The following TMEM178B variants were observed in gnomAD, a reference collection of about 807,000 sequenced individuals.
The protein encoded by TMEM178B is transmembrane protein 178B.
In TMEM178B, 5 loss-of-function variants were observed where a neutral mutation model predicts 31.0. That is an observed-to-expected ratio of 0.16 (90% CI 0.08 to 0.34). The LOEUF is 0.34. Among genes scored for constraint, TMEM178B ranks in the 10% least tolerant of loss-of-function variants. The pLI is 1.00. For synonymous variants in TMEM178B, 164 were observed against 164.0 expected (o/e 1.00, Z 0.00); for missense variants, 275 against 400.3 (o/e 0.69, Z 2.67).
intron 2 of TMEM178B, among the ~76,000 whole-genome samples, chr7:141,389,784 T>C (rs1800500975): frequency 6.6e-6 from 1 of 152,180 alleles, no homozygotes; most frequent in African/African-American, 2.4e-5. Context: ...CAAGAAATCT[T>C]TGAGTCTGAA....
intron 2 of TMEM178B, among the ~76,000 whole-genome samples, chr7:141,219,634 G>C (rs542553735): frequency 6.6e-6 from 1 of 152,102 alleles, no homozygotes; most frequent in African/African-American, 2.4e-5. Flanking sequence ...CCCCAACCCG[G>C]CCCCTGCAGA....
intron 2 of TMEM178B, among the ~76,000 whole-genome samples, chr7:141,336,353 C>T (rs1799387449): frequency 6.6e-6 from 1 of 152,146 alleles, no homozygotes; most frequent in African/African-American, 2.4e-5. Flanking sequence ...CCGCCTCTTT[C>T]ACTGTAGGAC....
At chr7:141,080,633 A>G (rs1398834487) in intron 1 of TMEM178B, among the ~76,000 whole-genome samples, 1 of 152,230 alleles carries the variant, frequency 6.6e-6, no homozygotes, top group Non-Finnish European at 1.5e-5. Flanking sequence ...AAAAATAGTC[A>G]TAGAGTAAAA....
chr7:141,149,046 T>C (rs143751929), intron 1 of TMEM178B, among the ~76,000 whole-genome samples: 6 of 152,124 alleles, frequency 3.9e-5, no homozygotes, highest in Admixed American at 1.3e-4. Context: ...GCTGTGAGGA[T>C]CATGGCTTTG....
At chr7:141,447,164 G>C (rs1181161651) in intron 3 of TMEM178B, among the ~76,000 whole-genome samples, 1 of 152,214 alleles carries the variant, frequency 6.6e-6, no homozygotes, top group East Asian at 1.9e-4. Flanking sequence ...CAGACCAAAA[G>C]CAAGTGCCAT....
chr7:141,412,174 A>C (rs934930969), intron 2 of TMEM178B, among the ~76,000 whole-genome samples: 1 of 152,220 alleles, frequency 6.6e-6, no homozygotes, highest in African/African-American at 2.4e-5. Context: ...TCTCTGAAGC[A>C]TAAGGTCATT....
chr7:141,179,728 G>A (rs1000146942), intron 1 of TMEM178B, among the ~76,000 whole-genome samples: 3 of 152,178 alleles, frequency 2.0e-5, no homozygotes, highest in Non-Finnish European at 4.4e-5. Flanking sequence ...GCCAGTGTCA[G>A]AGCAGGCCAT....
intron 2 of TMEM178B, among the ~76,000 whole-genome samples, chr7:141,336,945 TCACCACCACCACCATCACTAC>T (rs1799410254): frequency 2.3e-5 from 1 of 43,630 alleles, no homozygotes; most frequent in African/African-American, 9.7e-5. Flanking sequence ...ACCACCACCA[TCACCACCACCACCATCACTAC>T]CACCACCACC....
rs1256295244 is a variant in TMEM178B, at chr7:141,479,392, T to TAG, written c.*8607_*8608dup. 1.3e-5 allele frequency: 2 copies of TAG among 152,132 alleles called. No homozygotes were observed. Among genetic ancestry groups the TAG allele is most frequent in the Non-Finnish European group, 2.9e-5 (2 of 67,964 alleles). The allele number at this position is 152,132 out of a possible 1,614,324, so 9.4% of individuals were successfully genotyped here. ...GTGGCCACAGGCAGACTGGGTCTCC[T>TAG]AGGAGGTGGTGGTGTTGGTGACAAG... On this transcript the variant is annotated 3_prime_UTR_variant, in exon 4 of 4. Coordinates refer to ENST00000565468, the MANE Select transcript of TMEM178B (RefSeq NM_001195278.2).
intron 2 of TMEM178B, among the ~76,000 whole-genome samples, chr7:141,378,181 A>C (rs1800252837): frequency 6.6e-6 from 1 of 152,064 alleles, no homozygotes; most frequent in African/African-American, 2.4e-5. Context: ...TGTTTTTCTC[A>C]TAGTTAGACC....
At position 141,422,939 on chromosome 7, in the gene TMEM178B, T is replaced by A. The variant is rs1801240775; in HGVS notation, c.497-14669T>A. ...GGTCTCACGCCTCTCTTTAGAACAG[T>A]GCTGTCCCATGGAAATATCGTGCAA... On this transcript the variant is annotated intron_variant, in intron 2 of 3. Transcript: ENST00000565468. This position sits in a 1 kb window ranked among gnomAD's most constrained non-coding sequence, Gnocchi z 4.2. Among the ~76,000 whole-genome samples, 1 of 152,218 alleles carries A rather than the reference T, an allele frequency of 6.6e-6. No homozygotes were observed. The highest frequency in any genetic ancestry group is 2.4e-5 in the African/African-American group (1 of 41,460).
chr7:141,423,724 G>A (rs1221988572), intron 2 of TMEM178B, among the ~76,000 whole-genome samples: 1 of 151,680 alleles, frequency 6.6e-6, no homozygotes, highest in Non-Finnish European at 1.5e-5. Context: ...CTGTTCAAAC[G>A]AATTGCCATG....
At chr7:141,363,558 A>C (rs1284537071) in intron 2 of TMEM178B, among the ~76,000 whole-genome samples, 2 of 152,190 alleles carry the variant, frequency 1.3e-5, no homozygotes, top group African/African-American at 4.8e-5. Context: ...TCTGATTCTA[A>C]CTGCAGTGCT....
Position 141,193,615 on chromosome 7 carries a change from G to A in TMEM178B, c.383-18976G>A, listed in dbSNP as rs550629875. Among the ~76,000 whole-genome samples the A allele has an allele frequency of 3.3e-5, 5 of 152,330 alleles. No individual in the cohort carries two copies. The South Asian group carries it at 1.0e-3, about 32-fold the overall frequency. On this transcript the variant is annotated intron_variant, in intron 1 of 3. Transcript: ENST00000565468. Reference sequence around the variant, plus strand: ...CACAGTGTGCAGGGAGGCCTAGGCCGAGCCCATTCCTGCAAGGAGCAGTCA... The same window carrying A: ...CACAGTGTGCAGGGAGGCCTAGGCCAAGCCCATTCCTGCAAGGAGCAGTCA...
At chr7:141,284,723 G>A (rs1245597697) in intron 2 of TMEM178B, among the ~76,000 whole-genome samples, 1 of 152,156 alleles carries the variant, frequency 6.6e-6, no homozygotes, top group African/African-American at 2.4e-5. Flanking sequence ...TTTGTTACAC[G>A]AGTGAATGAC....
At chr7:141,176,793 C>T (rs1208418704) in intron 1 of TMEM178B, among the ~76,000 whole-genome samples, 2 of 152,096 alleles carry the variant, frequency 1.3e-5, no homozygotes, top group African/African-American at 2.4e-5. Context: ...TCTGTGGGAT[C>T]GGTGGTGATA....
intron 2 of TMEM178B, among the ~76,000 whole-genome samples, chr7:141,317,595 A>C (rs1400046291): frequency 1.3e-5 from 2 of 152,230 alleles, no homozygotes; most frequent in East Asian, 1.9e-4. Context: ...TCCTGGGGCC[A>C]AAATGCTGAG....
chr7:141,353,934 G>A (rs1799776975), intron 2 of TMEM178B, among the ~76,000 whole-genome samples: 1 of 152,186 alleles, frequency 6.6e-6, no homozygotes, highest in Non-Finnish European at 1.5e-5. Context: ...CCCCTTAATA[G>A]CCATTTGACC....
chr7:141,116,758 C>T (rs565559910), intron 1 of TMEM178B, among the ~76,000 whole-genome samples: 60 of 152,168 alleles, frequency 3.9e-4, no homozygotes, highest in Non-Finnish European at 4.3e-4. Context: ...CGAGTGAGAG[C>T]GTGCAGTGTT....
Sources: gnomAD v4.1 joint callset for allele counts (sites outside exome capture counted in the v4.1 genomes callset) on GRCh38, gnomAD v4.1.1 for gene constraint, Gnocchi (gnomAD v3.1) non-coding constraint, MANE v1.5 for transcripts, NCBI Gene and HGNC (gene_info 2026-07-23, HGNC 2026-07-21) for gene names.